The following SNTB2 variants were observed in gnomAD, a reference collection of about 807,000 sequenced individuals.
SNTB2 encodes the protein beta-2-syntrophin.
A neutral mutation model predicts 46.2 loss-of-function variants in SNTB2; 34 were observed. That is an observed-to-expected ratio of 0.74 (90% confidence interval 0.56 to 0.98). The LOEUF (loss-of-function observed/expected upper bound fraction) is 0.98. SNTB2 is among the 50% of genes least tolerant of loss of function. The pLI is 0.00. For missense variants in SNTB2, 603 were observed against 731.4 expected, an observed-to-expected ratio of 0.82 and a Z score of 2.02; for synonymous variants, 290 against 312.6, an observed-to-expected ratio of 0.93 and a Z score of 0.76.
Position 69,304,982 on chromosome 16 carries a change from T to TA in SNTB2, c.*4068dup, listed in dbSNP as rs962162269. The TA allele has an allele frequency of 6.6e-5, 10 of 150,994 alleles. No individual in the cohort carries two copies. The highest frequency in any genetic ancestry group is 2.1e-4 in the South Asian group (1 of 4,760). The allele number at this position is 150,994 out of a possible 1,614,324, so 9.4% of individuals were successfully genotyped here. On this transcript the variant is annotated 3_prime_UTR_variant, in exon 7 of 7. Coordinates refer to ENST00000336278, the MANE Select transcript of SNTB2 (RefSeq NM_006750.4). ...TGCACCTGGCCCCAGAAATTATGCT[T>TA]AAAAAAAAAATTAAGCTGTGTGGAA...
intron 2 of SNTB2, among the ~76,000 whole-genome samples, chr16:69,257,169 CAA>C (rs35505662): frequency 1.6e-4 from 16 of 101,766 alleles, no homozygotes; most frequent in African/African-American, 2.1e-4. Context: ...GACTCCATCT[CAA>C]AAAAAAAAAA....
At position 69,187,619 on chromosome 16, in the gene SNTB2, C is replaced by T. The variant is rs374028171; in HGVS notation, c.453C>T (p.Ala151=). ...CCAAGATCTTCCCCGGGCTGGCTGC[C>T]GACCAGAGCCGGGCGCTGCGGCTGG... The part of the protein sequence containing the change: ...LISKIFPGLA[A]DQSRALRLGD... Residue 151 remains alanine (A), a synonymous_variant, in exon 1 of 7, where the codon GCC becomes GCT. Coordinates refer to ENST00000336278, the MANE Select transcript of SNTB2 (RefSeq NM_006750.4). The T allele has an allele frequency of 6.4e-7, 1 of 1,556,742 alleles. No homozygotes were observed.
intron 3 of SNTB2, among the ~76,000 whole-genome samples, chr16:69,263,738 A>G (rs965852599): frequency 6.6e-6 from 1 of 151,894 alleles, no homozygotes; most frequent in African/African-American, 2.4e-5. Context: ...TTAAAAGGAA[A>G]TTTTTTTGAG....
At chr16:69,289,397 TAGAA>T (rs1221431106) in intron 5 of SNTB2, among the ~76,000 whole-genome samples, 3 of 151,950 alleles carry the variant, frequency 2.0e-5, no homozygotes, top group African/African-American at 7.3e-5. Context: ...AACATACAAT[TAGAA>T]AGAAGGAATA....
chr16:69,274,425 G>A lies in SNTB2; in HGVS notation c.1148+4140G>A, dbSNP rs770503141. 5.3e-5 allele frequency among the ~76,000 whole-genome samples: 8 copies of A among 151,608 alleles called. No homozygotes were observed. The East Asian group carries it at 5.8e-4, about 11-fold the overall frequency. ...TCCCAGCACTTTGGGAGGCCACGGCGGGTGGATCACGAGGTCAGGAGATTG... is the reference window on the plus strand; with the variant it reads ...TCCCAGCACTTTGGGAGGCCACGGCAGGTGGATCACGAGGTCAGGAGATTG... On this transcript the variant is annotated intron_variant, in intron 4 of 6. Transcript: ENST00000336278.
At chr16:69,274,435 C>T (rs903047197) in intron 4 of SNTB2, among the ~76,000 whole-genome samples, 19 of 151,658 alleles carry the variant, frequency 1.3e-4, no homozygotes, top group Non-Finnish European at 1.9e-4. Flanking sequence ...GGGTGGATCA[C>T]GAGGTCAGGA....
intron 6 of SNTB2, 29 bp downstream of exon 6, chr16:69,299,803 T>C (rs759067061): frequency 1.1e-5 from 18 of 1,598,598 alleles, no homozygotes; most frequent in Non-Finnish European, 1.5e-5. Context: ...CACATGTTTA[T>C]CTAATAGATG....
intron 1 of SNTB2, among the ~76,000 whole-genome samples, chr16:69,211,536 G>GAA (rs71254074): frequency 2.9e-3 from 282 of 96,032 alleles, no homozygotes; most frequent in Middle Eastern, 5.4e-3. Context: ...CATCTCAAGG[G>GAA]AAAAAAAAAA....
At chr16:69,276,935 C>A (rs1597196802) in intron 4 of SNTB2, among the ~76,000 whole-genome samples, 1 of 152,136 alleles carries the variant, frequency 6.6e-6, no homozygotes, top group East Asian at 1.9e-4. Context: ...TTTATTTAAT[C>A]TTGACCCTTG....
chr16:69,304,837 T>C lies in SNTB2; in HGVS notation c.*3913T>C, dbSNP rs1208091657. 3 of 151,542 alleles carry C rather than the reference T, an allele frequency of 2.0e-5. No homozygotes were observed. The highest frequency in any genetic ancestry group is 7.3e-5 in the African/African-American group (3 of 41,190). 9.4% of individuals were successfully genotyped at this position (151,542 alleles called of 1,614,324 possible). A position where few individuals can be genotyped will look rare whatever the true frequency, so the allele number is the denominator to read the frequency against. ...TGCCACCACACCTGGCTAATTTTTA[T>C]GGATTTTTTTTTCTTTTTTTTTTTT... On this transcript the variant is annotated 3_prime_UTR_variant, in exon 7 of 7. Transcript: ENST00000336278.
At chr16:69,280,892 G>A (rs1965036321) in intron 4 of SNTB2, among the ~76,000 whole-genome samples, 1 of 151,662 alleles carries the variant, frequency 6.6e-6, no homozygotes, top group African/African-American at 2.4e-5. Context: ...CTGCCTCCCG[G>A]GTTCACGCCA....
chr16:69,257,884 CTG>C (rs1964794605), intron 2 of SNTB2, among the ~76,000 whole-genome samples: 1 of 152,208 alleles, frequency 6.6e-6, no homozygotes, highest in South Asian at 2.1e-4. Flanking sequence ...TTTTTCATCA[CTG>C]TATCTCCAAT....
intron 1 of SNTB2, among the ~76,000 whole-genome samples, chr16:69,221,134 T>A (rs889234922): frequency 9.2e-5 from 14 of 151,986 alleles, no homozygotes; most frequent in Non-Finnish European, 1.0e-4. Flanking sequence ...TTTCATGTTT[T>A]AAAAAAAATG....
rs371684411 is a variant in SNTB2, at chr16:69,305,199, T to C, written c.*4275T>C. On this transcript the variant is annotated 3_prime_UTR_variant, in exon 7 of 7. Coordinates refer to ENST00000336278, the MANE Select transcript of SNTB2 (RefSeq NM_006750.4). ...ATGGAAGAATCTCTGTTCATATATT[T>C]TAATGCAAATTACCTTGTATGCTGC... 7.9e-5 allele frequency: 12 copies of C among 152,664 alleles called. No individual in the cohort carries two copies. The East Asian group carries it at 1.5e-3, about 20-fold the overall frequency. The allele number at this position is 152,664 out of a possible 1,614,324, so 9.5% of individuals were successfully genotyped here.
chr16:69,240,172 T>A (rs1173577948), intron 1 of SNTB2, among the ~76,000 whole-genome samples: 5 of 152,238 alleles, frequency 3.3e-5, no homozygotes, highest in African/African-American at 1.2e-4. Flanking sequence ...ATTTTTTGCA[T>A]ATTTTATTCA....
chr16:69,284,342 A>C, intron 5 of SNTB2, 98 bp downstream of exon 5: 2 of 945,382 alleles, frequency 2.1e-6, no homozygotes, highest in Non-Finnish European at 3.0e-6. Flanking sequence ...TGGATTGCAT[A>C]CATGACAGCA....
chr16:69,224,210 AT>A (rs34419738), intron 1 of SNTB2, among the ~76,000 whole-genome samples: 15 of 127,740 alleles, frequency 1.2e-4, no homozygotes, highest in Admixed American at 1.8e-4. Context: ...TTCCTTTGCA[AT>A]TTTTTTTTTT....
intron 4 of SNTB2, among the ~76,000 whole-genome samples, chr16:69,277,608 G>C (rs7192618): frequency 0.27 from 41,270 of 151,930 alleles, 6,150 homozygotes; most frequent in African/African-American, 0.39. Flanking sequence ...TCCACGTAAT[G>C]TGAATGGGCT....
Position 69,292,836 on chromosome 16 carries a change from C to T in SNTB2, c.1346-6754C>T, listed in dbSNP as rs560998566. 3.9e-5 allele frequency among the ~76,000 whole-genome samples: 6 copies of T among 152,000 alleles called. No individual in the cohort carries two copies. In the South Asian group the frequency reaches 6.2e-4, roughly 16 times the overall value. On this transcript the variant is annotated intron_variant, in intron 5 of 6. Coordinates refer to ENST00000336278, the MANE Select transcript of SNTB2 (RefSeq NM_006750.4). ...CCTCCTAGCTTTATTAAATTACTAT[C>T]GGGGAGCTTCTTAGAACGCCATCTC...
Sources: gnomAD v4.1 joint callset for allele counts (sites outside exome capture counted in the v4.1 genomes callset) on GRCh38, gnomAD v4.1.1 for gene constraint, MANE v1.5 for transcripts, NCBI Gene and HGNC (gene_info 2026-07-23, HGNC 2026-07-21) for gene names.